Variants in PGPEP1 observed in about 807,000 individuals in gnomAD.
PGPEP1 encodes the protein pyroglutamyl-peptidase I, also known as pyroglutamyl-peptidase 1.
Under a neutral mutation model 24.1 loss-of-function variants are expected in PGPEP1, and 15 were observed. The ratio of observed to expected loss-of-function variants is 0.62; its 90% CI spans 0.42 to 0.96. The LOEUF (loss-of-function observed/expected upper bound fraction) is 0.96. Ranked by LOEUF, PGPEP1 falls within the 40% of genes least tolerant of loss-of-function variation. The pLI is 0.00. For synonymous variants in PGPEP1, 122 were observed against 116.4 expected (o/e 1.05, Z -0.31); for missense variants, 242 against 273.4 (o/e 0.89, Z 0.81).
chr19:18,356,400 C>T (rs2144564613), intron 3 of PGPEP1, among the ~76,000 whole-genome samples: 1 of 151,464 alleles, frequency 6.6e-6, no homozygotes, highest in Admixed American at 6.6e-5. Context: ...TGCCACTGTA[C>T]TCCAGCCTGG....
chr19:18,345,087 G>A (rs771493811), intron 2 of PGPEP1, among the ~76,000 whole-genome samples: 4 of 151,808 alleles, frequency 2.6e-5, no homozygotes, highest in Non-Finnish European at 5.9e-5. Context: ...TTCAACTTCC[G>A]CCTCCTGGGT....
intron 2 of PGPEP1, among the ~76,000 whole-genome samples, chr19:18,353,519 A>G (rs1971095836): frequency 6.6e-6 from 1 of 152,124 alleles, no homozygotes. Context: ...CAAATTAATC[A>G]TTTTAAAGTA....
At chr19:18,344,188 C>T (rs953122498) in intron 2 of PGPEP1, among the ~76,000 whole-genome samples, 5 of 151,954 alleles carry the variant, frequency 3.3e-5, no homozygotes, top group African/African-American at 4.8e-5. Flanking sequence ...GTGAGCCTCG[C>T]TGTCATCTCC....
chr19:18,341,788 G>A (rs1254116326), intron 1 of PGPEP1, among the ~76,000 whole-genome samples: 1 of 152,154 alleles, frequency 6.6e-6, no homozygotes, highest in Non-Finnish European at 1.5e-5. Flanking sequence ...TCAAACTTTG[G>A]CTGTACAGAA....
rs59537099 is a variant in PGPEP1, at chr19:18,367,155, CA to C, written c.*3592del. Reference sequence around the variant, plus strand: ...CGGGTGACACAGCAAGACTCTGTCTCAAAAAAAAAAAAAAAAAAAATCCTCA... The same window carrying C: ...CGGGTGACACAGCAAGACTCTGTCTCAAAAAAAAAAAAAAAAAAATCCTCA... On this transcript the variant is annotated 3_prime_UTR_variant, in exon 5 of 5. Transcript: ENST00000269919. 5.4e-3 allele frequency: 512 copies of C among 95,202 alleles called. 2 individuals carry two copies. The highest frequency in any genetic ancestry group is 0.01 in the African/African-American group (204 of 20,028). 5.9% of individuals were successfully genotyped at this position (95,202 alleles called of 1,614,324 possible).
rs1055632139 is a variant in PGPEP1, at chr19:18,362,263, C to T, written c.438-1128C>T. 7.9e-5 allele frequency among the ~76,000 whole-genome samples: 12 copies of T among 151,962 alleles called. No individual in the cohort carries two copies. The East Asian group carries it at 2.1e-3, about 27-fold the overall frequency. ...CTCTACTAAAAACATAAAAATTAGC[C>T]GGATGTGCTGGCAGGCACCTGTAAT... is the stretch of plus-strand genomic sequence containing the variant. On this transcript the variant is annotated intron_variant, in intron 4 of 4. Transcript: ENST00000269919.
At chr19:18,354,207 C>T (rs1220503311) in intron 2 of PGPEP1, among the ~76,000 whole-genome samples, 2 of 152,058 alleles carry the variant, frequency 1.3e-5, no homozygotes, top group South Asian at 4.1e-4. Context: ...TGCGCTCCAG[C>T]CTCGGTGACA....
chr19:18,352,266 CAAAA>C lies in PGPEP1; in HGVS notation c.88-3611_88-3608del, dbSNP rs60299417. Among the ~76,000 whole-genome samples the C allele has an allele frequency of 9.2e-4, 40 of 43,660 alleles. 1 individual carries two copies. In the South Asian group the frequency reaches 0.032, roughly 35 times the overall value. The allele number at this position is 43,660 out of a possible 152,430, so 28.6% of individuals were successfully genotyped here. Reference sequence around the variant, plus strand: ...TGGGTGACAGAGCGAGACTCCGTCTCAAAAAAAAAAAAAAAAAAAAATTAGTTGG... The same window carrying C: ...TGGGTGACAGAGCGAGACTCCGTCTCAAAAAAAAAAAAAAAAATTAGTTGG... On this transcript the variant is annotated intron_variant, in intron 2 of 4. Transcript: ENST00000269919.
intron 4 of PGPEP1, among the ~76,000 whole-genome samples, chr19:18,358,224 T>C (rs1278484969): frequency 1.3e-5 from 2 of 151,604 alleles, no homozygotes; most frequent in African/African-American, 2.4e-5. Context: ...CCAGTCATTA[T>C]ATTTAGGACT....
At chr19:18,351,274 A>C (rs1296983147) in intron 2 of PGPEP1, among the ~76,000 whole-genome samples, 1 of 151,726 alleles carries the variant, frequency 6.6e-6, no homozygotes, top group Non-Finnish European at 1.5e-5. Flanking sequence ...CAAAAAAACC[A>C]AACAAAACTT....
At chr19:18,342,573 C>T (rs571944739) in intron 1 of PGPEP1, among the ~76,000 whole-genome samples, 49 of 152,274 alleles carry the variant, frequency 3.2e-4, no homozygotes, top group African/African-American at 1.0e-3. Context: ...AGGATCAGGA[C>T]CTTTTCGGAG....
At chr19:18,359,786 T>C (rs1382388954) in intron 4 of PGPEP1, among the ~76,000 whole-genome samples, 1 of 152,004 alleles carries the variant, frequency 6.6e-6, no homozygotes, top group Non-Finnish European at 1.5e-5. Context: ...GTGCTGGGAT[T>C]ATAGGCCTGA....
chr19:18,357,716 C>A, intron 4 of PGPEP1, 101 bp downstream of exon 4: 1 of 814,852 alleles, frequency 1.2e-6, no homozygotes, highest in South Asian at 1.6e-5. Context: ...CTCTTTGGAC[C>A]AAGCACTCAG....
At chr19:18,360,684 C>T (rs1386939663) in intron 4 of PGPEP1, among the ~76,000 whole-genome samples, 3 of 151,962 alleles carry the variant, frequency 2.0e-5, no homozygotes, top group African/African-American at 7.3e-5. Context: ...ATCACCACAC[C>T]CAGCTAATTT....
intron 2 of PGPEP1, among the ~76,000 whole-genome samples, chr19:18,352,266 C>CAAA (rs60299417): frequency 0.045 from 1,978 of 43,606 alleles, 206 homozygotes; most frequent in African/African-American, 0.14. Flanking sequence ...GACTCCGTCT[C>CAAA]AAAAAAAAAA....
intron 1 of PGPEP1, among the ~76,000 whole-genome samples, chr19:18,342,406 A>G (rs1412498963): frequency 6.6e-6 from 1 of 152,170 alleles, no homozygotes; most frequent in East Asian, 1.9e-4. Context: ...TGTTTTGGAA[A>G]GGGGGCCTGG....
intron 2 of PGPEP1, among the ~76,000 whole-genome samples, chr19:18,343,316 T>C (rs568386225): frequency 2.0e-4 from 31 of 152,250 alleles, no homozygotes; most frequent in Middle Eastern, 3.4e-3. Context: ...TAAAAAACGA[T>C]GTCGGATCCA....
intron 2 of PGPEP1, among the ~76,000 whole-genome samples, chr19:18,348,181 G>A (rs1446308154): frequency 6.6e-6 from 1 of 152,090 alleles, no homozygotes; most frequent in African/African-American, 2.4e-5. Flanking sequence ...TTTCTCTTCC[G>A]AGGAGGTGCA....
At chr19:18,355,837 G>A (rs1031703424) in intron 2 of PGPEP1, 58 bp from the exon 3 acceptor site, 23 of 1,048,228 alleles carry the variant, frequency 2.2e-5, no homozygotes, top group East Asian at 9.6e-5. Flanking sequence ...CCCAGAGAGC[G>A]CATTATCCCC....
Sources: gnomAD v4.1 joint callset for allele counts (sites outside exome capture counted in the v4.1 genomes callset) on GRCh38, gnomAD v4.1.1 for gene constraint, MANE v1.5 for transcripts, NCBI Gene and HGNC (gene_info 2026-07-23, HGNC 2026-07-21) for gene names.